The following PHLPP1 variants were observed in gnomAD, a reference collection of about 807,000 sequenced individuals.
PHLPP1 encodes the protein PH domain leucine-rich repeat-containing protein phosphatase 1.
Under a neutral mutation model 117.2 loss-of-function variants are expected in PHLPP1, and 42 were observed. The ratio of observed to expected loss-of-function variants is 0.36; its 90% CI spans 0.28 to 0.46. The LOEUF is 0.46. PHLPP1 is among the 20% of genes least tolerant of loss of function. The pLI, the probability that PHLPP1 is intolerant of heterozygous loss-of-function variation, is 1.00. For missense variants in PHLPP1, 2,084 were observed against 2,241.9 expected (o/e 0.93, Z 1.42); for synonymous variants, 1,042 against 970.7 (o/e 1.07, Z -1.37).
chr18:62,972,109 T>C (rs1568178514), intron 14 of PHLPP1, among the ~76,000 whole-genome samples: 1 of 152,254 alleles, frequency 6.6e-6, no homozygotes, highest in Non-Finnish European at 1.5e-5. Flanking sequence ...ATGCTTTTCA[T>C]ATAGGTTTCG....
chr18:62,825,452 A>T (rs1310527408), intron 1 of PHLPP1: 2 of 147,148 alleles, frequency 1.4e-5, no homozygotes, highest in East Asian at 3.9e-4. Flanking sequence ...TATATATAAT[A>T]TATTTATATA....
chr18:62,802,095 G>C (rs1188493658), intron 1 of PHLPP1, among the ~76,000 whole-genome samples: 5 of 152,088 alleles, frequency 3.3e-5, no homozygotes, highest in Non-Finnish European at 7.4e-5. Flanking sequence ...AGGCAAAGAA[G>C]GGCTAGAAGA....
rs546132665 is a variant in PHLPP1 at position 62,867,972 on chromosome 18, C to T, written c.2066+7371C>T. Among the ~76,000 whole-genome samples, 34 of 152,088 alleles carry T rather than the reference C, an allele frequency of 2.2e-4. 1 individual carries two copies. Among genetic ancestry groups the T allele is most frequent in the South Asian group, 1.0e-3 (5 of 4,814 alleles). On this transcript the variant is annotated intron_variant, in intron 4 of 16. Coordinates refer to ENST00000262719, the MANE Select transcript of PHLPP1 (RefSeq NM_194449.4). The stretch of plus-strand genomic sequence containing the variant: ...GATTACAGGCGCCCACCACCACGCC[C>T]GGCTAATTTTTCTATTTTTAGTGGA...
chr18:62,838,956 A>C (rs756049504), intron 3 of PHLPP1, 47 bp downstream of exon 3: 18 of 1,606,006 alleles, frequency 1.1e-5, no homozygotes, highest in Admixed American at 5.0e-5. Context: ...CTAGCTGGCT[A>C]CAAAGTTCCT....
rs1342888649 is a variant in PHLPP1 at position 62,716,380 on chromosome 18, C to T, written c.697C>T (p.Arg233Cys). Reference sequence around the variant, plus strand: ...CACCACGGCCGGCGAGGTGGCCGCCCGCCTGCTGCAGCTGGGCCACAAAGG... The same window carrying T: ...CACCACGGCCGGCGAGGTGGCCGCCTGCCTGCTGCAGCTGGGCCACAAAGG... Reference protein sequence around the residue: ...LDTTAGEVAARLLQLGHKGGG... With the variant: ...LDTTAGEVAACLLQLGHKGGG... Residue 233 changes from arginine to cysteine, a missense_variant, in exon 1 of 17, where the codon CGC becomes TGC. Arg to Cys is a radical substitution (Grantham distance 180, BLOSUM62 -3). This residue lies in a region of PHLPP1 where 719 missense variants were observed against 636.0 expected (regional missense o/e 1.13). Transcript: ENST00000262719. This position sits in a 1 kb window ranked among gnomAD's most constrained non-coding sequence, Gnocchi z 5.7. 6 of 1,486,792 alleles carry T rather than the reference C, an allele frequency of 4.0e-6. No individual in the cohort carries two copies. The highest frequency in any genetic ancestry group is 4.5e-6 in the Non-Finnish European group (5 of 1,123,464). 92.1% of individuals were successfully genotyped at this position (1,486,792 alleles called of 1,614,324 possible).
At chr18:62,867,527 C>T (rs1169264330) in intron 4 of PHLPP1, among the ~76,000 whole-genome samples, 1 of 152,166 alleles carries the variant, frequency 6.6e-6, no homozygotes, top group Non-Finnish European at 1.5e-5. Flanking sequence ...TGATAGCAGC[C>T]TCACTTTATC....
At chr18:62,867,645 G>A (rs976942233) in intron 4 of PHLPP1, among the ~76,000 whole-genome samples, 1 of 152,102 alleles carries the variant, frequency 6.6e-6, no homozygotes, top group Non-Finnish European at 1.5e-5. Context: ...TGGAGCCAGG[G>A]TATGTGCTTG....
intron 3 of PHLPP1, among the ~76,000 whole-genome samples, chr18:62,850,252 G>A (rs1915309202): frequency 2.0e-5 from 3 of 151,730 alleles, no homozygotes; most frequent in South Asian, 2.1e-4. Context: ...GCTGGGTGTG[G>A]TGGCAGGCAC....
At chr18:62,852,368 G>A (rs957418524) in intron 3 of PHLPP1, among the ~76,000 whole-genome samples, 1 of 151,674 alleles carries the variant, frequency 6.6e-6, no homozygotes, top group African/African-American at 2.4e-5. Flanking sequence ...TTTTGAGATG[G>A]AGTCTCACTG....
chr18:62,849,303 C>T (rs997814278), intron 3 of PHLPP1, among the ~76,000 whole-genome samples: 1 of 152,164 alleles, frequency 6.6e-6, no homozygotes, highest in African/African-American at 2.4e-5. Flanking sequence ...ATATCTGTAT[C>T]TGGTCATGTT....
In PHLPP1 at chr18:62,962,600, C is replaced by T. The variant is rs149501276; in HGVS notation, c.3456-768C>T. 7.0e-3 allele frequency among the ~76,000 whole-genome samples: 1,068 copies of T among 152,276 alleles called. 6 individuals are homozygous for T. The highest frequency in any genetic ancestry group is 0.02 in the Middle Eastern group (6 of 294). ...CTGGGATTACAGGCGTGAGCCACCGCGCCTGGCAAGGCTGATTTTTAAGAA... is the reference window on the plus strand; with the variant it reads ...CTGGGATTACAGGCGTGAGCCACCGTGCCTGGCAAGGCTGATTTTTAAGAA... On this transcript the variant is annotated intron_variant, in intron 13 of 16. Transcript: ENST00000262719.
Position 62,838,888 on chromosome 18 carries a change from G to A in PHLPP1, c.1878G>A (p.Arg626=), listed in dbSNP as rs1472099707. The A allele has an allele frequency of 6.2e-7, 1 of 1,613,836 alleles. No homozygotes were observed. Among genetic ancestry groups the A allele is most frequent in the Non-Finnish European group, 8.5e-7 (1 of 1,179,824 alleles). The change falls in exon 3 of 17, where the codon AGG becomes AGA. Residue 626 remains arginine (R), a synonymous_variant. Transcript: ENST00000262719. ...TTGATACTTTCACAGAATACTTAAG[G>A]TGGCTGCGACAAGTCTCCAAGGTAA... ...ICFDTFTEYL[R]WLRQVSKVAS...
At chr18:62,722,296 T>C (rs1486421416) in intron 1 of PHLPP1, among the ~76,000 whole-genome samples, 1 of 152,210 alleles carries the variant, frequency 6.6e-6, no homozygotes, top group Non-Finnish European at 1.5e-5. Flanking sequence ...TGAGGCATCT[T>C]AGATTTAATG....
intron 1 of PHLPP1, among the ~76,000 whole-genome samples, chr18:62,802,911 G>A (rs1294739402): frequency 6.6e-6 from 1 of 152,158 alleles, no homozygotes; most frequent in Non-Finnish European, 1.5e-5. Context: ...TTTCAGGCAG[G>A]GCAAGTTGGT....
intron 1 of PHLPP1, among the ~76,000 whole-genome samples, chr18:62,792,374 C>T (rs1034308440): frequency 1.3e-5 from 2 of 152,086 alleles, no homozygotes; most frequent in African/African-American, 4.8e-5. Context: ...ATTCTGATGT[C>T]CTTTTAGTAT....
At chr18:62,870,900 T>C (rs1915885767) in intron 4 of PHLPP1, among the ~76,000 whole-genome samples, 1 of 152,200 alleles carries the variant, frequency 6.6e-6, no homozygotes, top group South Asian at 2.1e-4. Context: ...TTGGAACTCT[T>C]CAAGTTAGTT....
intron 1 of PHLPP1, among the ~76,000 whole-genome samples, chr18:62,761,167 C>T (rs943135312): frequency 4.6e-5 from 7 of 151,960 alleles, no homozygotes; most frequent in African/African-American, 1.7e-4. Context: ...GCCTGGACTT[C>T]CCTGGCATTT....
chr18:62,770,655 A>G (rs1195083839), intron 1 of PHLPP1, among the ~76,000 whole-genome samples: 1 of 152,070 alleles, frequency 6.6e-6, no homozygotes, highest in Non-Finnish European at 1.5e-5. Flanking sequence ...TTAAAGATTC[A>G]TAGTTTGGAT....
chr18:62,864,485 T>C (rs1229407140), intron 4 of PHLPP1, among the ~76,000 whole-genome samples: 1 of 152,224 alleles, frequency 6.6e-6, no homozygotes, highest in Admixed American at 6.5e-5. Context: ...AAAGCGTAGG[T>C]CTGGCGAGGG....
Sources: allele counts gnomAD v4.1 joint callset (sites outside exome capture counted in the v4.1 genomes callset), GRCh38; gene constraint gnomAD v4.1.1; regional missense constraint gnomAD v4.1.1; non-coding constraint Gnocchi (gnomAD v3.1); transcripts MANE v1.5; gene names NCBI Gene and HGNC (gene_info 2026-07-23, HGNC 2026-07-21).